The following PTK2 variants were observed in gnomAD, a reference collection of about 807,000 sequenced individuals.
PTK2 encodes protein tyrosine kinase 2.
PTK2 carries 45 observed loss-of-function variants against 150.1 expected under a neutral mutation model. That is an observed-to-expected ratio of 0.30 (90% confidence interval 0.24 to 0.38). The LOEUF is 0.38. Among genes scored for constraint, PTK2 ranks in the 10% least tolerant of loss-of-function variants. The probability of loss-of-function intolerance (pLI) is 1.00; values close to 1 mark genes in which losing one functional copy is unlikely to be tolerated. For synonymous variants in PTK2, 432 were observed against 449.2 expected (o/e 0.96, Z 0.48); for missense variants, 919 against 1,307.3 (o/e 0.70, Z 4.58).
intron 1 of PTK2, among the ~76,000 whole-genome samples, chr8:140,968,419 G>C (rs1051054904): frequency 6.6e-6 from 1 of 152,054 alleles, no homozygotes; most frequent in Non-Finnish European, 1.5e-5. Context: ...TATATGACTA[G>C]CCAAGCACTA....
intron 1 of PTK2, among the ~76,000 whole-genome samples, chr8:140,929,591 G>GACTTGTGA (rs1456772906): frequency 1.3e-5 from 2 of 152,094 alleles, no homozygotes; most frequent in Non-Finnish European, 2.9e-5. Flanking sequence ...CACAAGTAAG[G>GACTTGTGA]ACTTGTGATA....
chr8:140,860,721 G>A (rs570160274), intron 5 of PTK2, among the ~76,000 whole-genome samples: 15 of 152,234 alleles, frequency 9.9e-5, no homozygotes, highest in African/African-American at 2.9e-4. Context: ...TGATCCACCC[G>A]CCTCGGCCTC....
chr8:140,774,193 G>A (rs556517845), intron 14 of PTK2, among the ~76,000 whole-genome samples: 48 of 152,194 alleles, frequency 3.2e-4, no homozygotes, highest in African/African-American at 1.1e-3. Flanking sequence ...TGGCTTTTGC[G>A]GTACAGGGAT....
chr8:140,958,399 C>A (rs1461418608), intron 1 of PTK2, among the ~76,000 whole-genome samples: 2 of 152,180 alleles, frequency 1.3e-5, no homozygotes. Context: ...CCTGCTGTGG[C>A]CTCCCAAAGT....
chr8:140,961,649 G>A (rs1447778988), intron 1 of PTK2, among the ~76,000 whole-genome samples: 4 of 150,088 alleles, frequency 2.7e-5, no homozygotes, highest in Admixed American at 6.6e-5. Context: ...GCGACACAGC[G>A]AGACTCCATC....
chr8:140,876,632 T>C (rs2100145678), intron 4 of PTK2, among the ~76,000 whole-genome samples: 1 of 152,186 alleles, frequency 6.6e-6, no homozygotes, highest in South Asian at 2.1e-4. Flanking sequence ...CTCTTCTCCA[T>C]TCTTTTTTAT....
chr8:140,677,956 T>C (rs555748512), intron 27 of PTK2, among the ~76,000 whole-genome samples: 3 of 152,178 alleles, frequency 2.0e-5, no homozygotes, highest in Admixed American at 1.3e-4. Context: ...CATGTATTAG[T>C]ATATTCTGTG....
At chr8:140,946,753 C>T (rs779683516) in intron 1 of PTK2, among the ~76,000 whole-genome samples, 27 of 152,012 alleles carry the variant, frequency 1.8e-4, no homozygotes, top group Non-Finnish European at 3.5e-4. Flanking sequence ...CAGTACATTA[C>T]ATAATGTACT....
At chr8:140,662,865 T>G in intron 31 of PTK2, 1 of 431,742 alleles carries the variant, frequency 2.3e-6, no homozygotes, top group Middle Eastern at 5.1e-4. Flanking sequence ...ACTTTAAGAA[T>G]ACTCTATAAA....
chr8:140,674,554 A>C, intron 28 of PTK2, 150 bp from the exon 32 acceptor site: 2 of 643,038 alleles, frequency 3.1e-6, no homozygotes, highest in Non-Finnish European at 5.4e-6. Flanking sequence ...AGCCTGACCA[A>C]CATGGAGAAA....
At chr8:140,853,663 G>C (rs116129945) in intron 5 of PTK2, among the ~76,000 whole-genome samples, 102 of 152,194 alleles carry the variant, frequency 6.7e-4, no homozygotes, top group African/African-American at 2.4e-3. Flanking sequence ...GTGTGCATGA[G>C]TGTCACACCC....
chr8:140,746,130 A>G (rs1214552880), intron 18 of PTK2, among the ~76,000 whole-genome samples: 2 of 152,190 alleles, frequency 1.3e-5, no homozygotes, highest in African/African-American at 4.8e-5. Context: ...CAAGGAGCTC[A>G]AGACCAGCCT....
intron 24 of PTK2, among the ~76,000 whole-genome samples, chr8:140,705,554 G>C (rs2100033246): frequency 6.6e-6 from 1 of 152,142 alleles, no homozygotes; most frequent in African/African-American, 2.4e-5. Flanking sequence ...GGATGCACTG[G>C]GGTATGCACC....
At chr8:140,665,095 G>A in intron 30 of PTK2, 98 bp from the exon 35 acceptor site, 1 of 1,122,520 alleles carries the variant, frequency 8.9e-7, no homozygotes, top group South Asian at 1.5e-5. Context: ...CAAGTTTCAA[G>A]GCAAATTTCT....
intron 2 of PTK2, among the ~76,000 whole-genome samples, chr8:140,914,958 G>A (rs1398729912): frequency 1.3e-5 from 2 of 150,118 alleles, no homozygotes; most frequent in African/African-American, 2.5e-5. Flanking sequence ...GCTTGAACCC[G>A]GGAGGCAGAG....
At chr8:140,997,398 A>T (rs564915494) in intron 1 of PTK2, among the ~76,000 whole-genome samples, 2 of 152,124 alleles carry the variant, frequency 1.3e-5, no homozygotes, top group Non-Finnish European at 2.9e-5. Flanking sequence ...ATTTTGAAAG[A>T]AGTTCTACTG....
At chr8:140,723,139 A>G (rs949366749) in intron 22 of PTK2, among the ~76,000 whole-genome samples, 3 of 152,192 alleles carry the variant, frequency 2.0e-5, no homozygotes, top group African/African-American at 7.2e-5. Context: ...TTACTGCCTG[A>G]ATGTTTCATT....
chr8:140,757,742 C>T (rs2100066713), intron 16 of PTK2, among the ~76,000 whole-genome samples: 1 of 152,126 alleles, frequency 6.6e-6, no homozygotes, highest in South Asian at 2.1e-4. Context: ...TATTCTAGTT[C>T]AAAGACAGTT....
chr8:140,962,635 C>CA (rs1306905018), intron 1 of PTK2, among the ~76,000 whole-genome samples: 7 of 151,846 alleles, frequency 4.6e-5, no homozygotes, highest in African/African-American at 1.7e-4. Context: ...ACTAAAAATA[C>CA]AAAAAATTAG....
Sources: gnomAD v4.1 joint callset for allele counts (sites outside exome capture counted in the v4.1 genomes callset) on GRCh38, gnomAD v4.1.1 for gene constraint, MANE v1.5 for transcripts, NCBI Gene and HGNC (gene_info 2026-07-23, HGNC 2026-07-21) for gene names.